RPS6KA2: variants seen among roughly 807,000 people sequenced by gnomAD.
RPS6KA2 encodes ribosomal protein S6 kinase alpha-2.
Under a neutral mutation model 91.8 loss-of-function variants are expected in RPS6KA2, and 42 were observed. The ratio of observed to expected loss-of-function variants is 0.46; its 90% confidence interval spans 0.36 to 0.59. The LOEUF is 0.59. Among genes scored for constraint, RPS6KA2 ranks in the 20% least tolerant of loss-of-function variants. The probability of loss-of-function intolerance (pLI) is 0.00; values close to 1 mark genes in which losing one functional copy is unlikely to be tolerated. For synonymous variants in RPS6KA2, 414 were observed against 393.6 expected (o/e 1.05, Z -0.61); for missense variants, 798 against 978.5 (o/e 0.82, Z 2.46).
chr6:166,626,823 C>T lies in RPS6KA2; in HGVS notation c.99+98G>A, dbSNP rs10946178. ...CTTTCCAGTAACTTGAACTCCCTGA[C>T]GGGTCTCGGGGTCCACCCAGGGGTG... On this transcript the variant is annotated intron_variant, in intron 1 of 20. Transcript: ENST00000265678. The surrounding 1 kb of genome is among the most constrained non-coding windows in gnomAD (Gnocchi z 4.1). 152,460 of 996,234 alleles carry T rather than the reference C, an allele frequency of 0.15. 12,306 individuals carry two copies. The highest frequency in any genetic ancestry group is 0.16 in the Non-Finnish European group (124,847 of 758,268). 61.7% of individuals were successfully genotyped at this position (996,234 alleles called of 1,614,324 possible).
chr6:166,823,071 C>T (rs796734207), intron 2 of RPS6KA2, among the ~76,000 whole-genome samples: 3 of 152,164 alleles, frequency 2.0e-5, no homozygotes, highest in Admixed American at 6.5e-5. Context: ...AAAGGGCAGA[C>T]GACCCCACCT....
At chr6:166,455,651 C>T (rs570613906) in intron 12 of RPS6KA2, among the ~76,000 whole-genome samples, 7 of 152,318 alleles carry the variant, frequency 4.6e-5, no homozygotes, top group African/African-American at 9.6e-5. Flanking sequence ...AATTCTGCAG[C>T]GCGACCCGGC....
Position 166,533,689 on chromosome 6 carries a change from T to C in RPS6KA2, c.217-2376A>G, listed in dbSNP as rs973121644. Among the ~76,000 whole-genome samples the C allele has an allele frequency of 5.9e-5, 9 of 152,208 alleles. No homozygotes were observed. Among genetic ancestry groups the C allele is most frequent in the African/African-American group, 2.2e-4 (9 of 41,444 alleles). ...GAGGATGGAAGCCTTGGGTGGTTGC[T>C]CCAGCCCATGGTGGACTTTGGTAGG... On this transcript the variant is annotated intron_variant, in intron 2 of 20. Transcript: ENST00000265678. This position sits in a 1 kb window ranked among gnomAD's most constrained non-coding sequence, Gnocchi z 4.0.
intron 10 of RPS6KA2, 46 bp downstream of exon 10, chr6:166,488,787 C>A: frequency 6.8e-7 from 1 of 1,474,668 alleles, no homozygotes; most frequent in Non-Finnish European, 9.4e-7. Flanking sequence ...GCTTGCGGGG[C>A]AGCGCCCTGC....
At chr6:166,564,018 A>G (rs997460383) in intron 1 of RPS6KA2, among the ~76,000 whole-genome samples, 1 of 152,204 alleles carries the variant, frequency 6.6e-6, no homozygotes, top group African/African-American at 2.4e-5. Flanking sequence ...TTCCTTGCTC[A>G]CTGAGTAGGA....
At chr6:166,799,184 G>C (rs1779298636) in intron 2 of RPS6KA2, among the ~76,000 whole-genome samples, 1 of 152,236 alleles carries the variant, frequency 6.6e-6, no homozygotes, top group Admixed American at 6.5e-5. Flanking sequence ...AAATCTCAGT[G>C]CCGAGCCTGT....
chr6:166,741,978 A>C (rs917841996), intron 2 of RPS6KA2, among the ~76,000 whole-genome samples: 1 of 152,160 alleles, frequency 6.6e-6, no homozygotes, highest in Non-Finnish European at 1.5e-5. Flanking sequence ...AAATACAAAA[A>C]TTAGCATGGC....
intron 10 of RPS6KA2, among the ~76,000 whole-genome samples, chr6:166,471,356 G>A (rs1439075643): frequency 6.6e-6 from 1 of 152,192 alleles, no homozygotes; most frequent in Non-Finnish European, 1.5e-5. Context: ...TCTGGGCAGT[G>A]ATGTGGAGGA....
At chr6:166,682,182 G>A (rs1446319200) in intron 2 of RPS6KA2, among the ~76,000 whole-genome samples, 1 of 152,208 alleles carries the variant, frequency 6.6e-6, no homozygotes, top group Non-Finnish European at 1.5e-5. Context: ...GCAATAAAAT[G>A]TACCAGCTTT....
intron 2 of RPS6KA2, chr6:166,702,410 T>C (rs1789551555): frequency 6.2e-7 from 1 of 1,603,788 alleles, no homozygotes; most frequent in African/African-American, 1.3e-5. Flanking sequence ...CTGAAATCCA[T>C]TCAGTTTGTC....
Position 166,626,318 on chromosome 6 carries a change from A to G in RPS6KA2, c.99+603T>C, listed in dbSNP as rs1480407099. On this transcript the variant is annotated intron_variant, in intron 1 of 20. Coordinates refer to ENST00000265678, the MANE Select transcript of RPS6KA2 (RefSeq NM_021135.6). This position sits in a 1 kb window ranked among gnomAD's most constrained non-coding sequence, Gnocchi z 4.1. The stretch of plus-strand genomic sequence containing the variant: ...TGGGTTTTCAGGACGAATCTGTATC[A>G]GCCTCGGCGCTGCGAGGATATTGCA... 6.6e-6 allele frequency among the ~76,000 whole-genome samples: 1 copy of G among 152,256 alleles called. No homozygotes were observed. Among genetic ancestry groups the G allele is most frequent in the East Asian group, 1.9e-4 (1 of 5,202 alleles).
In RPS6KA2 at chr6:166,437,123, T is replaced by G. The variant is rs1399847380; in HGVS notation, c.1333-4633A>C. 6.6e-6 allele frequency among the ~76,000 whole-genome samples: 1 copy of G among 151,790 alleles called. No individual in the cohort carries two copies. Among genetic ancestry groups the G allele is most frequent in the Non-Finnish European group, 1.5e-5 (1 of 67,960 alleles). On this transcript the variant is annotated intron_variant, in intron 14 of 20. Transcript: ENST00000265678. The surrounding 1 kb of genome is among the most constrained non-coding windows in gnomAD (Gnocchi z 4.3). Reference sequence around the variant, plus strand: ...AGAGTGCTAACGCAGGAGTGGGCAGTGAGGTGTGGCTACAGTCCTGGAGTA... The same window carrying G: ...AGAGTGCTAACGCAGGAGTGGGCAGGGAGGTGTGGCTACAGTCCTGGAGTA...
At chr6:166,710,426 G>C (rs1583039738) in intron 2 of RPS6KA2, among the ~76,000 whole-genome samples, 1 of 151,740 alleles carries the variant, frequency 6.6e-6, no homozygotes, top group African/African-American at 2.4e-5. Flanking sequence ...GCATGCACGA[G>C]TGTGTGTGTG....
intron 2 of RPS6KA2, among the ~76,000 whole-genome samples, chr6:166,748,635 CCCAT>C (rs1791125672): frequency 1.2e-5 from 1 of 83,912 alleles, no homozygotes; most frequent in Non-Finnish European, 2.3e-5. Context: ...TCCTCAGGCC[CCCAT>C]CCCCTTGGGC....
chr6:166,632,286 C>T (rs1333720183), intron 2 of RPS6KA2, among the ~76,000 whole-genome samples: 1 of 152,114 alleles, frequency 6.6e-6, no homozygotes, highest in African/African-American at 2.4e-5. Flanking sequence ...ATGAGGTATA[C>T]CTACAGCAAA....
At chr6:166,850,739 G>A (rs905104607) in intron 2 of RPS6KA2, among the ~76,000 whole-genome samples, 4 of 152,132 alleles carry the variant, frequency 2.6e-5, no homozygotes, top group African/African-American at 2.4e-5. Flanking sequence ...GAGGTCTCAC[G>A]GGGGATGAAC....
chr6:166,748,550 G>GGTCCCCTCTTCCTCA (rs1562415983), intron 2 of RPS6KA2, among the ~76,000 whole-genome samples: 1 of 98,440 alleles, frequency 1.0e-5, no homozygotes, highest in East Asian at 2.9e-4. Context: ...CCATCCCCTT[G>GGTCCCCTCTTCCTCA]GGCCCCCACC....
At position 166,737,108 on chromosome 6, in the gene RPS6KA2, T is replaced by G. The variant is rs1301104800; in HGVS notation, c.123+121092A>C. 1.3e-5 allele frequency among the ~76,000 whole-genome samples: 2 copies of G among 152,180 alleles called. No homozygotes were observed. The highest frequency in any genetic ancestry group is 2.9e-5 in the Non-Finnish European group (2 of 68,052). ...AGATAGATGCACATTCTTTGTCAAC[T>G]GTCACAAACGAGGTCCTTGATTTTC... On this transcript the variant is annotated intron_variant, in intron 2 of 21. Transcript: ENST00000503859. The surrounding 1 kb of genome is among the most constrained non-coding windows in gnomAD (Gnocchi z 4.3).
intron 2 of RPS6KA2, among the ~76,000 whole-genome samples, chr6:166,753,942 A>G (rs9366051): frequency 6.6e-6 from 1 of 152,202 alleles, no homozygotes; most frequent in Non-Finnish European, 1.5e-5. Context: ...TGAGGAACCC[A>G]AATTCTGGAA....
Sources: allele counts gnomAD v4.1 joint callset (sites outside exome capture counted in the v4.1 genomes callset), GRCh38; gene constraint gnomAD v4.1.1; non-coding constraint Gnocchi (gnomAD v3.1); transcripts MANE v1.5; gene names NCBI Gene and HGNC (gene_info 2026-07-23, HGNC 2026-07-21).